Variants in RGS12 observed in about 807,000 individuals in gnomAD.
The protein encoded by RGS12 is regulator of G-protein signaling 12.
RGS12 carries 66 observed loss-of-function variants against 120.1 expected under a neutral mutation model. The ratio of observed to expected loss-of-function variants is 0.55; its 90% CI spans 0.45 to 0.67. RGS12 has a LOEUF of 0.67. Among genes scored for constraint, RGS12 ranks in the 30% least tolerant of loss-of-function variants. The probability of loss-of-function intolerance (pLI) is 0.00; values close to 1 mark genes in which losing one functional copy is unlikely to be tolerated. For synonymous variants in RGS12, 827 were observed against 804.7 expected, an observed-to-expected ratio of 1.03 and a Z score of -0.47; for missense variants, 1,859 against 1,957.7, an observed-to-expected ratio of 0.95 and a Z score of 0.95.
rs1724731759 is a variant in RGS12 at position 3,316,226 on chromosome 4, G to A, written c.56G>A (p.Arg19Lys). 1 of 1,608,740 alleles carries A rather than the reference G, an allele frequency of 6.2e-7. No individual in the cohort carries two copies. Among genetic ancestry groups the A allele is most frequent in the Non-Finnish European group, 8.5e-7 (1 of 1,176,490 alleles). ...CCATTGCCTGGGCCGTCGCCCCCAA[G>A]GGTGCGGAGTGTGGAGGTTGCCCGG... ...KRPLPGPSPP[R>K]VRSVEVARGR... Residue 19 changes from arginine to lysine, a missense_variant, in exon 2 of 18, where the codon AGG (arginine) becomes AAG (lysine). By Grantham distance (26) the Arg-to-Lys change is conservative. This residue lies in a region of RGS12 where 967 missense variants were observed against 994.2 expected (regional missense o/e 0.97). Transcript: ENST00000336727.
chr4:3,413,222 A>C (rs1028925899), intron 4 of RGS12: 1 of 152,038 alleles, frequency 6.6e-6, no homozygotes. Context: ...GCTCGCATCC[A>C]GTGGACAAGG....
intron 2 of RGS12, chr4:3,342,392 A>C (rs763907173): frequency 6.5e-6 from 8 of 1,236,050 alleles, no homozygotes; most frequent in Non-Finnish European, 8.3e-6. Flanking sequence ...CTGGAGGAGG[A>C]GAGACAGGAT....
chr4:3,416,207 G>A, intron 7 of RGS12, 86 bp downstream of exon 7: 2 of 1,473,692 alleles, frequency 1.4e-6, no homozygotes, highest in Non-Finnish European at 1.9e-6. Flanking sequence ...GTGCTATCAG[G>A]CAGGCCAGTG....
At chr4:3,294,637 C>T (rs1397097261) in intron 1 of RGS12, among the ~76,000 whole-genome samples, 1 of 152,090 alleles carries the variant, frequency 6.6e-6, no homozygotes, top group Admixed American at 6.5e-5. Context: ...CAGGCAAGGG[C>T]AGTGGGGTGG....
At chr4:3,328,911 T>A (rs1001766451) in intron 2 of RGS12, among the ~76,000 whole-genome samples, 2 of 152,142 alleles carry the variant, frequency 1.3e-5, no homozygotes, top group Admixed American at 1.3e-4. Context: ...AGAGTGGCCA[T>A]CTGGGATCTG....
intron 4 of RGS12, among the ~76,000 whole-genome samples, chr4:3,395,916 C>A (rs993276484): frequency 6.6e-6 from 1 of 152,110 alleles, no homozygotes; most frequent in African/African-American, 2.4e-5. Context: ...ATACTTGAGT[C>A]CCTGATATAA....
At chr4:3,340,158 G>C (rs1334286306) in intron 2 of RGS12, among the ~76,000 whole-genome samples, 2 of 152,242 alleles carry the variant, frequency 1.3e-5, no homozygotes, top group African/African-American at 2.4e-5. Flanking sequence ...TCCGTGTCGT[G>C]TGTCTCATGA....
chr4:3,351,207 TA>T (rs529954288), intron 3 of RGS12, among the ~76,000 whole-genome samples: 37 of 151,404 alleles, frequency 2.4e-4, no homozygotes, highest in African/African-American at 8.5e-4. Context: ...TAAATTGTAT[TA>T]AAAAAAAACA....
intron 16 of RGS12, among the ~76,000 whole-genome samples, chr4:3,429,178 G>T (rs536019646): frequency 6.6e-6 from 1 of 152,026 alleles, no homozygotes; most frequent in South Asian, 2.1e-4. Flanking sequence ...GGCTGCGGGG[G>T]TCAGTGAGGA....
chr4:3,296,974 A>G (rs577901761), intron 1 of RGS12, among the ~76,000 whole-genome samples: 9 of 152,318 alleles, frequency 5.9e-5, no homozygotes, highest in Non-Finnish European at 1.2e-4. Flanking sequence ...TTTGGGGGCC[A>G]CCGTTGCAGA....
chr4:3,290,265 AAGGGTACAGCTC>A (rs1428678586), upstream of RGS12, among the ~76,000 whole-genome samples: 3 of 152,298 alleles, frequency 2.0e-5, no homozygotes, highest in East Asian at 5.8e-4. Flanking sequence ...AACCATTGTT[AAGGGTACAGCTC>A]AGGGGTATCA....
In RGS12 at chr4:3,412,127, AT is replaced by A. The variant is rs1721800337; in HGVS notation, c.2021-1942del. On this transcript the variant is annotated intron_variant, in intron 4 of 17. Transcript: ENST00000336727. ...ATTTTTTTCTATAGCAGTTTACATT[AT>A]TTGATTATTCTTTAACATTTTCTTT... 2.6e-5 allele frequency among the ~76,000 whole-genome samples: 4 copies of A among 152,366 alleles called. No individual in the cohort carries two copies. The South Asian group carries it at 8.3e-4, about 32-fold the overall frequency.
In RGS12 at chr4:3,313,970, ATT is replaced by A. The variant is rs1560650210; in HGVS notation, c.-101-2098_-101-2097del. On this transcript the variant is annotated intron_variant, in intron 1 of 17. Transcript: ENST00000336727. ...GACGTGTTTCTTGGCCAACTTTTAC[ATT>A]TATTTATTTATTTTTTAATGATGAT... Among the ~76,000 whole-genome samples the A allele has an allele frequency of 5.9e-5, 9 of 151,950 alleles. No homozygotes were observed. In the South Asian group the frequency reaches 1.9e-3, roughly 32 times the overall value.
At chr4:3,373,824 G>A (rs1448520132) in intron 3 of RGS12, among the ~76,000 whole-genome samples, 1 of 152,192 alleles carries the variant, frequency 6.6e-6, no homozygotes, top group East Asian at 1.9e-4. Context: ...TTCTTCTCTC[G>A]TTTTCTGACA....
intron 3 of RGS12, among the ~76,000 whole-genome samples, chr4:3,371,945 G>C (rs576650672): frequency 4.6e-5 from 7 of 152,272 alleles, no homozygotes; most frequent in South Asian, 2.1e-4. Flanking sequence ...AAGAGCACGC[G>C]GGGGAGCTGC....
chr4:3,305,607 T>C (rs1723934691), intron 1 of RGS12, among the ~76,000 whole-genome samples: 1 of 152,156 alleles, frequency 6.6e-6, no homozygotes, highest in Non-Finnish European at 1.5e-5. Context: ...GACCTTCCTG[T>C]TCAAAATGAG....
chr4:3,317,610 C>T lies in RGS12; in HGVS notation c.1440C>T (p.Pro480=), dbSNP rs141255305. The T allele has an allele frequency of 1.7e-4, 276 of 1,585,986 alleles. 1 individual carries two copies. In the African/African-American group the frequency reaches 2.7e-3, roughly 16 times the overall value. The change falls in exon 2 of 18, where the codon CCC becomes CCT. Residue 480 remains proline (P), a synonymous_variant. Coordinates refer to ENST00000336727, the MANE Select transcript of RGS12 (RefSeq NM_001394154.1). ...GGACTGGGCCCTTCTGTCCGGACCC[C>T]GAAGGGAGCCCCCCATTTGAGGCCG... ...APWTGPFCPD[P]EGSPPFEAAH...
At chr4:3,428,288 C>T (rs781469525) in intron 15 of RGS12, 119 bp downstream of exon 15, 4 of 993,284 alleles carry the variant, frequency 4.0e-6, no homozygotes, top group South Asian at 2.6e-5. Flanking sequence ...CTCCCCCACG[C>T]TCCTTGGCGG....
intron 3 of RGS12, 122 bp from the exon 4 acceptor site, chr4:3,386,294 C>T: frequency 8.6e-6 from 8 of 932,046 alleles, no homozygotes; most frequent in Non-Finnish European, 1.4e-5. Context: ...ACACCTCCAC[C>T]TGGAGAGTGC....
Sources: gnomAD v4.1 joint callset for allele counts (sites outside exome capture counted in the v4.1 genomes callset) on GRCh38, gnomAD v4.1.1 for gene constraint, gnomAD v4.1.1 regional missense constraint, MANE v1.5 for transcripts, NCBI Gene and HGNC (gene_info 2026-07-23, HGNC 2026-07-21) for gene names.